SPAST: variants seen among roughly 807,000 people sequenced by gnomAD.
SPAST encodes spastin, also known as spastic paraplegia 4 (autosomal dominant; spastin).
Under a neutral mutation model 76.6 loss-of-function variants are expected in SPAST, and 30 were observed. The ratio of observed to expected loss-of-function variants is 0.39; its 90% CI spans 0.29 to 0.53. SPAST has a LOEUF of 0.53. Ranked by LOEUF, SPAST falls within the 20% of genes least tolerant of loss-of-function variation. The pLI, the probability that SPAST is intolerant of heterozygous loss-of-function variation, is 0.68. For synonymous variants in SPAST, 305 were observed against 281.0 expected, an observed-to-expected ratio of 1.09 and a Z score of -0.86; for missense variants, 717 against 770.5, an observed-to-expected ratio of 0.93 and a Z score of 0.82.
In SPAST at chr2:32,083,120, C is replaced by T. The variant is rs148709324; in HGVS notation, c.416-4372C>T. The stretch of plus-strand genomic sequence containing the variant: ...CCAAGTAGCTGTGATTACAGGTGCC[C>T]GCCACCACAACCAGCTAATTTTTGT... On this transcript the variant is annotated intron_variant, in intron 1 of 16. Coordinates refer to ENST00000315285, the MANE Select transcript of SPAST (RefSeq NM_014946.4). Among the ~76,000 whole-genome samples, 316 of 152,026 alleles carry T rather than the reference C, an allele frequency of 2.1e-3. 1 individual carries two copies. Among genetic ancestry groups the T allele is most frequent in the Admixed American group, 3.9e-3 (59 of 15,262 alleles).
Position 32,063,873 on chromosome 2 carries a change from C to T in SPAST, c.42C>T (p.Gly14=), listed in dbSNP as rs1384348000. The T allele has an allele frequency of 1.9e-6, 3 of 1,585,070 alleles. No homozygotes were observed. Among genetic ancestry groups the T allele is most frequent in the East Asian group, 2.3e-5 (1 of 43,852 alleles). The change falls in exon 1 of 17, where the codon GGC becomes GGT. Residue 14 remains glycine (G), a synonymous_variant. Coordinates refer to ENST00000315285, the MANE Select transcript of SPAST (RefSeq NM_014946.4). ...GACGAGGGAAGAAGAAAGGCTCCGGCGGCGCCAGCAACCCGGTGCCTCCCA... is the reference window on the plus strand; with the variant it reads ...GACGAGGGAAGAAGAAAGGCTCCGGTGGCGCCAGCAACCCGGTGCCTCCCA... The part of the protein sequence containing the change: ...PGGRGKKKGS[G]GASNPVPPRP...
intron 2 of SPAST, among the ~76,000 whole-genome samples, chr2:32,087,956 T>A (rs1238517218): frequency 6.6e-6 from 1 of 151,878 alleles, no homozygotes; most frequent in Non-Finnish European, 1.5e-5. Context: ...CAATCTCGGC[T>A]CACTGCAATC....
intron 16 of SPAST, among the ~76,000 whole-genome samples, chr2:32,150,005 C>T (rs1319596857): frequency 2.0e-5 from 3 of 147,112 alleles, no homozygotes; most frequent in East Asian, 2.0e-4. Flanking sequence ...GGCTTTTATT[C>T]GCCTGTCGGA....
At chr2:32,085,205 C>CTTTTTT (rs11399879) in intron 1 of SPAST, among the ~76,000 whole-genome samples, 52 of 119,708 alleles carry the variant, frequency 4.3e-4, no homozygotes, top group African/African-American at 5.3e-4. Flanking sequence ...TCTTCTTCTT[C>CTTTTTT]TTTTTTTTTT....
intron 8 of SPAST, chr2:32,128,148 C>T (rs1358838113): frequency 2.4e-6 from 1 of 408,302 alleles, no homozygotes; most frequent in African/African-American, 2.0e-5. Context: ...GCATGCGCCA[C>T]CACGCCTGAC....
At chr2:32,118,429 A>C (rs1217611071) in intron 7 of SPAST, among the ~76,000 whole-genome samples, 1 of 152,234 alleles carries the variant, frequency 6.6e-6, no homozygotes, top group East Asian at 1.9e-4. Flanking sequence ...TTAAAATAGA[A>C]AGCATTTGTC....
At chr2:32,142,647 C>A (rs889839163) in intron 13 of SPAST, among the ~76,000 whole-genome samples, 1 of 152,048 alleles carries the variant, frequency 6.6e-6, no homozygotes, top group Admixed American at 6.6e-5. Flanking sequence ...CCGCCCTCCT[C>A]AGCCTCCCAA....
chr2:32,129,966 T>A (rs1180219656), intron 9 of SPAST: 1 of 153,006 alleles, frequency 6.5e-6, no homozygotes, highest in East Asian at 1.9e-4. Context: ...GCCACTGCAC[T>A]CCAGCCTGAG....
chr2:32,132,798 A>G (rs755148197), intron 9 of SPAST, among the ~76,000 whole-genome samples: 4 of 152,168 alleles, frequency 2.6e-5, no homozygotes, highest in African/African-American at 4.8e-5. Flanking sequence ...CAGGAGTTTG[A>G]GACCAGCCTG....
chr2:32,102,067 G>A (rs867432830), intron 4 of SPAST, among the ~76,000 whole-genome samples: 5 of 152,180 alleles, frequency 3.3e-5, no homozygotes, highest in African/African-American at 7.2e-5. Context: ...ACCTTGGGCA[G>A]TGTGGCCATT....
At chr2:32,075,995 G>A (rs1483803359) in intron 1 of SPAST, among the ~76,000 whole-genome samples, 2 of 144,356 alleles carry the variant, frequency 1.4e-5, no homozygotes, top group Non-Finnish European at 3.0e-5. Flanking sequence ...CTGCCTCCCA[G>A]GTTGAAGTGA....
chr2:32,082,056 C>A (rs1677255253), intron 1 of SPAST, among the ~76,000 whole-genome samples: 1 of 139,884 alleles, frequency 7.1e-6, no homozygotes, highest in African/African-American at 2.7e-5. Flanking sequence ...AGTGGTGCGA[C>A]CTCCCTTACT....
At chr2:32,154,187 G>T (rs1680177455) in intron 16 of SPAST, among the ~76,000 whole-genome samples, 187 bp from the exon 17 acceptor site, 1 of 152,096 alleles carries the variant, frequency 6.6e-6, no homozygotes, top group African/African-American at 2.4e-5. Flanking sequence ...CATTTATTAA[G>T]GTTTCTTGTG....
chr2:32,091,568 A>C (rs1037961016), intron 3 of SPAST, among the ~76,000 whole-genome samples: 2 of 148,028 alleles, frequency 1.4e-5, no homozygotes, highest in Non-Finnish European at 3.0e-5. Context: ...CACGGTGGCT[A>C]ACGCCTGTAA....
chr2:32,154,991 GTTT>G lies in SPAST; in HGVS notation c.*497_*499del, dbSNP rs2148769779. 1 of 152,850 alleles carries G rather than the reference GTTT, an allele frequency of 6.5e-6. No individual in the cohort carries two copies. Among genetic ancestry groups the G allele is most frequent in the African/African-American group, 2.4e-5 (1 of 41,424 alleles). 9.5% of individuals were successfully genotyped at this position (152,850 alleles called of 1,614,324 possible). On this transcript the variant is annotated 3_prime_UTR_variant, in exon 17 of 17. Transcript: ENST00000315285. ...ACTCTTAAGTTTATTTTCTTTTTTCGTTTTATAAATTCAGTGTGCCAAATGAAA... is the reference window on the plus strand; with the variant it reads ...ACTCTTAAGTTTATTTTCTTTTTTCGTATAAATTCAGTGTGCCAAATGAAA...
At chr2:32,100,261 C>T (rs13006302) in intron 4 of SPAST, among the ~76,000 whole-genome samples, 14,899 of 149,614 alleles carry the variant, frequency 0.1, 799 homozygotes, top group Middle Eastern at 0.2. Context: ...TCATAATTAA[C>T]GATGTTGAGC....
rs754678763 is a variant in SPAST at position 32,143,384 on chromosome 2, T to C, written c.1585T>C (p.Leu529=). Residue 529 remains leucine, a synonymous_variant, in exon 14 of 17, where the codon TTG becomes CTG. Transcript: ENST00000315285. ...TCTGTTATGTAAACAAGGAAGTCCA[T>C]TGACCCAAAAAGAACTAGCACAACT... ...KNLLCKQGSP[L]TQKELAQLAR... 7 of 1,609,862 alleles carry C rather than the reference T, an allele frequency of 4.3e-6. No homozygotes were observed. Among genetic ancestry groups the C allele is most frequent in the Admixed American group, 1.7e-5 (1 of 59,902 alleles).
intron 4 of SPAST, among the ~76,000 whole-genome samples, chr2:32,108,640 G>T (rs78140227): frequency 1.3e-5 from 2 of 151,386 alleles, no homozygotes; most frequent in Admixed American, 1.3e-4. Context: ...TTGTAGAGAT[G>T]GGGTTTCCCC....
chr2:32,093,359 C>G (rs11124276), intron 3 of SPAST, among the ~76,000 whole-genome samples: 62,682 of 148,964 alleles, frequency 0.42, 13,536 homozygotes, highest in East Asian at 0.64. Flanking sequence ...GCGGGCACCT[C>G]TAATCTCACC....
Sources: gnomAD v4.1 joint callset for allele counts (sites outside exome capture counted in the v4.1 genomes callset) on GRCh38, gnomAD v4.1.1 for gene constraint, MANE v1.5 for transcripts, NCBI Gene and HGNC (gene_info 2026-07-23, HGNC 2026-07-21) for gene names.